FMN1: variants seen among roughly 807,000 people sequenced by gnomAD.
The protein encoded by FMN1 is formin 1, also known as formin-1.
Under a neutral mutation model 132.4 loss-of-function variants are expected in FMN1, and 110 were observed. The observed-to-expected ratio is 0.83, with a 90% CI of 0.71 to 0.97. FMN1 has a LOEUF of 0.97. FMN1 is among the 50% of genes least tolerant of loss of function. The pLI, the probability that FMN1 is intolerant of heterozygous loss-of-function variation, is 0.00. For missense variants in FMN1, 1,792 were observed against 1,705.3 expected (o/e 1.05, Z -0.90); for synonymous variants, 722 against 651.7 (o/e 1.11, Z -1.64).
At chr15:32,900,856 G>C (rs1338679065) in intron 13 of FMN1, among the ~76,000 whole-genome samples, 1 of 151,830 alleles carries the variant, frequency 6.6e-6, no homozygotes, top group East Asian at 1.9e-4. Flanking sequence ...CTTTATTTCA[G>C]GGTAAAAAAA....
intron 17 of FMN1, among the ~76,000 whole-genome samples, chr15:32,848,977 G>GTT (rs71113479): frequency 0.05 from 4,485 of 89,354 alleles, 638 homozygotes; most frequent in Admixed American, 0.12. Context: ...GTTCTCTTTT[G>GTT]TTTTTTTTTT....
chr15:33,108,869 T>TG (rs1283241079), intron 4 of FMN1, among the ~76,000 whole-genome samples: 1 of 152,130 alleles, frequency 6.6e-6, no homozygotes, highest in African/African-American at 2.4e-5. Context: ...CACACATTGT[T>TG]GTCTTTGGCC....
rs1431604947 is a variant in FMN1 at position 32,899,976 on chromosome 15, T to C, written c.3654+3A>G. The stretch of plus-strand genomic sequence containing the variant: ...ATGGGAACTTATTATGAAAAATAAA[T>C]ACCCGACTTTTGACATCCTTGAGTT... On this transcript the variant is annotated splice_donor_region_variant and intron_variant, in intron 14 of 20. Transcript: ENST00000616417. 6.2e-7 allele frequency: 1 copy of C among 1,612,230 alleles called. No homozygotes were observed. Among genetic ancestry groups the C allele is most frequent in the Non-Finnish European group, 8.5e-7 (1 of 1,179,456 alleles).
At chr15:33,038,032 G>C (rs2036265077) in intron 6 of FMN1, among the ~76,000 whole-genome samples, 1 of 152,196 alleles carries the variant, frequency 6.6e-6, no homozygotes, top group Non-Finnish European at 1.5e-5. Flanking sequence ...AGGCCAGCCT[G>C]GCCAACACGG....
In FMN1 at chr15:32,968,843, G is replaced by A; in HGVS notation, c.2858C>T (p.Pro953Leu). 6.2e-7 allele frequency: 1 copy of A among 1,603,536 alleles called. No individual in the cohort carries two copies. Among genetic ancestry groups the A allele is most frequent in the Non-Finnish European group, 8.5e-7 (1 of 1,173,610 alleles). ...PPAPPPPGLA[P>L]PPPPGLFFGL... ...AAAGAAGAGTCCAGGGGGAGGTGGG[G>A]GTGCAAGTCCTGGGGGTGGTGGAGC... Residue 953 changes from proline (P) to leucine (L), a missense_variant, in exon 8 of 21, where the codon CCC becomes CTC. By Grantham distance (98) the Pro-to-Leu change is moderately conservative. This residue lies in a region of FMN1 where 1,150 missense variants were observed against 1,043.1 expected (regional missense o/e 1.10). Coordinates refer to ENST00000616417, the MANE Select transcript of FMN1 (RefSeq NM_001277313.2).
intron 7 of FMN1, among the ~76,000 whole-genome samples, chr15:32,984,644 C>T (rs1222316105): frequency 1.3e-5 from 2 of 152,160 alleles, no homozygotes; most frequent in African/African-American, 4.8e-5. Context: ...CAATCAGAAG[C>T]TATGAGCACA....
Position 32,802,947 on chromosome 15 carries a change from G to A in FMN1, c.3980+1334C>T, listed in dbSNP as rs548993057. On this transcript the variant is annotated intron_variant, in intron 18 of 20. Coordinates refer to ENST00000616417, the MANE Select transcript of FMN1 (RefSeq NM_001277313.2). ...TATGATAGGATGATAAGCACGATTTGAGAATATGTCTGTACTTAGCAAAGT... is the reference window on the plus strand; with the variant it reads ...TATGATAGGATGATAAGCACGATTTAAGAATATGTCTGTACTTAGCAAAGT... Among the ~76,000 whole-genome samples the A allele has an allele frequency of 7.4e-4, 112 of 152,304 alleles. 1 individual carries two copies. In the South Asian group the frequency reaches 0.021, roughly 29 times the overall value.
intron 9 of FMN1, among the ~76,000 whole-genome samples, chr15:32,932,156 T>C (rs1028193724): frequency 1.1e-4 from 17 of 152,204 alleles, no homozygotes; most frequent in Admixed American, 5.9e-4. Flanking sequence ...CCCAGCACTT[T>C]GGGAGGCCGA....
At chr15:32,826,589 GAAC>G (rs766326056) in intron 17 of FMN1, among the ~76,000 whole-genome samples, 32 of 152,316 alleles carry the variant, frequency 2.1e-4, no homozygotes, top group African/African-American at 5.5e-4. Context: ...AAAGTAGTGA[GAAC>G]AACAAGGGAG....
chr15:33,116,173 T>C (rs2039916980), intron 4 of FMN1, among the ~76,000 whole-genome samples: 1 of 152,198 alleles, frequency 6.6e-6, no homozygotes, highest in Non-Finnish European at 1.5e-5. Flanking sequence ...AATCCCCATT[T>C]ATACAGAAAA....
chr15:32,943,051 G>A (rs759825146), intron 9 of FMN1, among the ~76,000 whole-genome samples: 2 of 152,086 alleles, frequency 1.3e-5, no homozygotes, highest in African/African-American at 4.8e-5. Flanking sequence ...CTTTTTCAGC[G>A]CTGGTACAGT....
intron 7 of FMN1, among the ~76,000 whole-genome samples, chr15:32,998,561 A>G (rs1437354645): frequency 6.6e-6 from 1 of 152,192 alleles, no homozygotes; most frequent in Non-Finnish European, 1.5e-5. Flanking sequence ...TGAGTGAGGC[A>G]GGACAAGTCT....
Position 33,071,685 on chromosome 15 carries a change from C to T in FMN1, c.2044-6611G>A, listed in dbSNP as rs1229187536. Among the ~76,000 whole-genome samples the T allele has an allele frequency of 5.3e-5, 8 of 152,034 alleles. No homozygotes were observed. The South Asian group carries it at 1.0e-3, about 20-fold the overall frequency. On this transcript the variant is annotated intron_variant, in intron 5 of 20. Coordinates refer to ENST00000616417, the MANE Select transcript of FMN1 (RefSeq NM_001277313.2). Reference sequence around the variant, plus strand: ...AATATGAACACGAGTAACAGGAGCACGAGTAAGATTCAAAGAGATCTTTTA... The same window carrying T: ...AATATGAACACGAGTAACAGGAGCATGAGTAAGATTCAAAGAGATCTTTTA...
At chr15:33,147,434 T>C (rs962222625) in intron 4 of FMN1, among the ~76,000 whole-genome samples, 2 of 152,258 alleles carry the variant, frequency 1.3e-5, no homozygotes, top group Admixed American at 6.5e-5. Flanking sequence ...CATGGTGTTA[T>C]TCTGCTATTT....
chr15:33,046,968 G>A (rs921412868), intron 6 of FMN1, among the ~76,000 whole-genome samples: 1 of 152,176 alleles, frequency 6.6e-6, no homozygotes, highest in African/African-American at 2.4e-5. Context: ...AGCCAGTCTG[G>A]CAAACTGGTC....
intron 4 of FMN1, among the ~76,000 whole-genome samples, chr15:33,117,606 T>A (rs541412556): frequency 2.6e-4 from 39 of 152,316 alleles, no homozygotes; most frequent in African/African-American, 8.4e-4. Flanking sequence ...GGATCAAAAT[T>A]TATAGATACG....
intron 18 of FMN1, among the ~76,000 whole-genome samples, chr15:32,801,118 G>C (rs1339080929): frequency 6.6e-6 from 1 of 152,128 alleles, no homozygotes; most frequent in Admixed American, 6.5e-5. Flanking sequence ...TCAACATATT[G>C]CAAATCCTGG....
intron 12 of FMN1, among the ~76,000 whole-genome samples, chr15:32,905,353 G>A (rs961509619): frequency 4.6e-5 from 7 of 152,200 alleles, no homozygotes; most frequent in Non-Finnish European, 7.3e-5. Context: ...TGCATTCTTC[G>A]ATGGAGGATT....
chr15:33,044,226 T>G (rs1392247785), intron 6 of FMN1, among the ~76,000 whole-genome samples: 1 of 152,152 alleles, frequency 6.6e-6, no homozygotes, highest in East Asian at 1.9e-4. Flanking sequence ...AGGTGCCCCT[T>G]GGCACAAACA....
Sources: allele counts gnomAD v4.1 joint callset (sites outside exome capture counted in the v4.1 genomes callset), GRCh38; gene constraint gnomAD v4.1.1; regional missense constraint gnomAD v4.1.1; transcripts MANE v1.5; gene names NCBI Gene and HGNC (gene_info 2026-07-23, HGNC 2026-07-21).